Variants in CEPT1 observed in about 807,000 individuals in gnomAD.
CEPT1 encodes choline/ethanolamine phosphotransferase 1, also known as choline/ethanolaminephosphotransferase 1.
Under a neutral mutation model 42.6 loss-of-function variants are expected in CEPT1, and 7 were observed. That is an observed-to-expected ratio of 0.16 (90% CI 0.09 to 0.31). The LOEUF is 0.31. CEPT1 is among the 10% of genes least tolerant of loss of function. The probability of loss-of-function intolerance (pLI) is 1.00; values close to 1 mark genes in which losing one functional copy is unlikely to be tolerated. For synonymous variants in CEPT1, 171 were observed against 171.9 expected, an observed-to-expected ratio of 0.99 and a Z score of 0.04; for missense variants, 306 against 502.1, an observed-to-expected ratio of 0.61 and a Z score of 3.73.
intron 2 of CEPT1, 152 bp from the exon 3 acceptor site, chr1:111,159,228 C>T: frequency 1.4e-6 from 1 of 715,562 alleles, no homozygotes; most frequent in Non-Finnish European, 2.3e-6. Context: ...TTTTACAATT[C>T]TAATTGTTTC....
chr1:111,184,259 C>T lies in CEPT1; in HGVS notation c.1200C>T (p.His400=), dbSNP rs1196070578. 1 of 1,613,010 alleles carries T rather than the reference C, an allele frequency of 6.2e-7. No homozygotes were observed. Among genetic ancestry groups the T allele is most frequent in the South Asian group, 1.1e-5 (1 of 91,044 alleles). The stretch of plus-strand genomic sequence containing the variant: ...GCAATCAGATTGCGTCTCACCTGCA[C>T]ATACATGTCTTCAGAATCAAGGTCT... The part of the protein sequence containing the change: ...SVCNQIASHL[H]IHVFRIKVST... Residue 400 remains histidine, a synonymous_variant, in exon 9 of 9, where the codon CAC becomes CAT. Transcript: ENST00000357172.
chr1:111,148,447 A>C (rs1041234314), intron 2 of CEPT1, among the ~76,000 whole-genome samples: 1 of 152,072 alleles, frequency 6.6e-6, no homozygotes, highest in East Asian at 1.9e-4. Context: ...CCTTATCAAA[A>C]GGTTTTTTTT....
At chr1:111,182,567 G>A in intron 6 of CEPT1, 1 of 569,818 alleles carries the variant, frequency 1.8e-6, no homozygotes, top group East Asian at 3.1e-5. Flanking sequence ...AGTATGAGCT[G>A]CTTTGTAAAA....
chr1:111,174,994 A>G, intron 5 of CEPT1, 31 bp downstream of exon 5: 3 of 1,268,994 alleles, frequency 2.4e-6, no homozygotes, highest in Non-Finnish European at 3.5e-6. Flanking sequence ...TATCCCATGT[A>G]ATGCATGTTG....
intron 4 of CEPT1, among the ~76,000 whole-genome samples, chr1:111,171,387 T>C (rs889249927): frequency 2.6e-5 from 4 of 152,220 alleles, no homozygotes; most frequent in African/African-American, 9.7e-5. Context: ...AGATGCTCTG[T>C]TCCCTTGTTT....
In CEPT1 at chr1:111,161,667, G is replaced by A. The variant is rs1013054099; in HGVS notation, c.629+371G>A. Among the ~76,000 whole-genome samples, 6 of 152,282 alleles carry A rather than the reference G, an allele frequency of 3.9e-5. No homozygotes were observed. The East Asian group carries it at 1.2e-3, about 29-fold the overall frequency. ...AAAAAGAAGATGGTTTCTGAGAGCA[G>A]CGCCCTAATCCAATATTAATTTTTA... is the stretch of plus-strand genomic sequence containing the variant. On this transcript the variant is annotated intron_variant, in intron 4 of 8. Transcript: ENST00000357172.
chr1:111,154,392 G>A (rs1437657001), intron 2 of CEPT1, among the ~76,000 whole-genome samples: 1 of 151,846 alleles, frequency 6.6e-6, no homozygotes, highest in Admixed American at 6.6e-5. Context: ...GTTTTTTGAT[G>A]CAGTCTTTAA....
intron 5 of CEPT1, 37 bp from the exon 6 acceptor site, chr1:111,182,150 A>G (rs368628615): frequency 4.3e-5 from 64 of 1,491,602 alleles, no homozygotes; most frequent in Admixed American, 1.7e-4. Context: ...TTTAGTTTGT[A>G]TATGTTTTAA....
At chr1:111,168,634 G>A (rs1656261438) in intron 4 of CEPT1, among the ~76,000 whole-genome samples, 2 of 151,836 alleles carry the variant, frequency 1.3e-5, no homozygotes, top group South Asian at 2.1e-4. Context: ...CACTACAGGC[G>A]CCCACCACCA....
In CEPT1 at chr1:111,182,794, T is replaced by C. The variant is rs751051585; in HGVS notation, c.847-5T>C. 13 of 1,610,406 alleles carry C rather than the reference T, an allele frequency of 8.1e-6. No homozygotes were observed. The highest frequency in any genetic ancestry group is 1.1e-5 in the Non-Finnish European group (13 of 1,177,318). ...ACTATTAACTCTTCTCTTCACTCTG[T>C]ACAGGGAACAAGTGTCCTTTCTCCT... is the stretch of plus-strand genomic sequence containing the variant. On this transcript the variant is annotated splice_region_variant and splice_polypyrimidine_tract_variant and intron_variant, in intron 6 of 8. Coordinates refer to ENST00000357172, the MANE Select transcript of CEPT1 (RefSeq NM_006090.5).
Position 111,148,056 on chromosome 1 carries a change from A to G in CEPT1, c.339+3A>G. 2 of 1,609,668 alleles carry G rather than the reference A, an allele frequency of 1.2e-6. No homozygotes were observed. ...ACTGCCCTACAGCTACAGAGCAGGT[A>G]AGAGTTTCTTAACAGATCTCAACAT... is the stretch of plus-strand genomic sequence containing the variant. On this transcript the variant is annotated splice_donor_region_variant and intron_variant, in intron 2 of 8. Coordinates refer to ENST00000357172, the MANE Select transcript of CEPT1 (RefSeq NM_006090.5).
rs529434711 is a variant in CEPT1 at position 111,182,127 on chromosome 1, A to T, written c.715-60A>T. On this transcript the variant is annotated intron_variant, in intron 5 of 8. Transcript: ENST00000357172. ...TTTGGGAATATGAATCAAATATTAG[A>T]CTGTTTTCTTATTTTAGTTTGTATA... is the stretch of plus-strand genomic sequence containing the variant. 4 of 1,337,032 alleles carry T rather than the reference A, an allele frequency of 3.0e-6. No homozygotes were observed. The South Asian group carries it at 4.2e-5, about 14-fold the overall frequency. 82.8% of individuals were successfully genotyped at this position (1,337,032 alleles called of 1,614,324 possible). A position where few individuals can be genotyped will look rare whatever the true frequency, so the allele number is the denominator to read the frequency against.
At chr1:111,143,083 C>T (rs2101213349) in intron 1 of CEPT1, among the ~76,000 whole-genome samples, 1 of 152,296 alleles carries the variant, frequency 6.6e-6, no homozygotes, top group Non-Finnish European at 1.5e-5. Flanking sequence ...TCTAAAGTTA[C>T]AGGTTTCTTT....
rs752298312 is a variant in CEPT1 at position 111,147,834 on chromosome 1, A to T, written c.120A>T (p.Thr40=). The T allele has an allele frequency of 3.1e-6, 5 of 1,614,038 alleles. No individual in the cohort carries two copies. Among genetic ancestry groups the T allele is most frequent in the Admixed American group, 3.3e-5 (2 of 60,000 alleles). ...CVLNKLFQLP[T]PPLSRHQLKR... ...TAAATAAATTGTTTCAGTTACCAACACCACCATTGTCAAGACACCAACTAA... is the reference window on the plus strand; with the variant it reads ...TAAATAAATTGTTTCAGTTACCAACTCCACCATTGTCAAGACACCAACTAA... The change falls in exon 2 of 9, where the codon ACA becomes ACT. Residue 40 remains threonine (T), a synonymous_variant. Transcript: ENST00000357172.
At position 111,153,924 on chromosome 1, in the gene CEPT1, T is replaced by G. The variant is rs116575544; in HGVS notation, c.340-5456T>G. On this transcript the variant is annotated intron_variant, in intron 2 of 8. Coordinates refer to ENST00000357172, the MANE Select transcript of CEPT1 (RefSeq NM_006090.5). ...CTTTGTTCTTTTTGCTCTAGAGTGC[T>G]TTGGTTATTCTGAGGTTTTTGTGAT... Among the ~76,000 whole-genome samples the G allele has an allele frequency of 5.3e-3, 804 of 152,278 alleles. 5 individuals are homozygous for G. Among genetic ancestry groups the G allele is most frequent in the African/African-American group, 0.018 (762 of 41,554 alleles).
At chr1:111,139,903 C>G (rs990248255), upstream of CEPT1, 1 of 152,308 alleles carries the variant, frequency 6.6e-6, no homozygotes, top group Non-Finnish European at 1.5e-5. Flanking sequence ...GTCTCGCGCG[C>G]CTGCGACGCG....
In CEPT1 at chr1:111,161,149, C is replaced by T; in HGVS notation, c.488-6C>T. 1.2e-6 allele frequency: 2 copies of T among 1,613,946 alleles called. No homozygotes were observed. The highest frequency in any genetic ancestry group is 1.3e-5 in the African/African-American group (1 of 75,038). ...TTTGGTTTTCATCGTGATCTTTCTT[C>T]TGCAGTTTTTGTGGTTCTTGGAACT... On this transcript the variant is annotated splice_polypyrimidine_tract_variant and splice_region_variant and intron_variant, in intron 3 of 8. Transcript: ENST00000357172.
intron 4 of CEPT1, among the ~76,000 whole-genome samples, chr1:111,165,353 C>T (rs984462069): frequency 5.3e-5 from 8 of 150,946 alleles, no homozygotes; most frequent in South Asian, 2.1e-4. Context: ...CGGCCTAAAA[C>T]ATCGGTCTTA....
chr1:111,143,787 G>C (rs1654797831), intron 1 of CEPT1, among the ~76,000 whole-genome samples: 1 of 152,036 alleles, frequency 6.6e-6, no homozygotes, highest in African/African-American at 2.4e-5. Context: ...GCCTGGGCTG[G>C]AGTACAGTGG....
Sources: gnomAD v4.1 joint callset for allele counts (sites outside exome capture counted in the v4.1 genomes callset) on GRCh38, gnomAD v4.1.1 for gene constraint, MANE v1.5 for transcripts, NCBI Gene and HGNC (gene_info 2026-07-23, HGNC 2026-07-21) for gene names.